The following KIF3C variants were observed in gnomAD, a reference collection of about 807,000 sequenced individuals.
KIF3C encodes kinesin-like protein KIF3C.
A neutral mutation model predicts 67.7 loss-of-function variants in KIF3C; 12 were observed. That is an observed-to-expected ratio of 0.18 (90% confidence interval 0.11 to 0.29). KIF3C has a LOEUF of 0.29. KIF3C is among the 10% of genes least tolerant of loss of function. The pLI is 1.00. For synonymous variants in KIF3C, 393 were observed against 426.2 expected (o/e 0.92, Z 0.96); for missense variants, 789 against 1,059.6 (o/e 0.74, Z 3.55).
chr2:25,934,222 T>A, intron 5 of KIF3C: 1 of 465,396 alleles, frequency 2.1e-6, no homozygotes, highest in Non-Finnish European at 4.4e-6. Context: ...GGGAAAGGGG[T>A]TTTGAGGAGA....
At chr2:25,936,001 C>T (rs1017218966) in intron 5 of KIF3C, among the ~76,000 whole-genome samples, 2 of 151,554 alleles carry the variant, frequency 1.3e-5, no homozygotes, top group East Asian at 1.9e-4. Flanking sequence ...ACTGGAGAAT[C>T]GCTTGAACCC....
intron 5 of KIF3C, among the ~76,000 whole-genome samples, chr2:25,940,220 C>T (rs1663246839): frequency 6.6e-6 from 1 of 152,146 alleles, no homozygotes; most frequent in Non-Finnish European, 1.5e-5. Context: ...CTGCAAGGTA[C>T]ATATTGTTAT....
At chr2:25,966,756 T>C (rs1245980495) in intron 1 of KIF3C, among the ~76,000 whole-genome samples, 1 of 152,214 alleles carries the variant, frequency 6.6e-6, no homozygotes, top group African/African-American at 2.4e-5. Flanking sequence ...GGCTCTGCCC[T>C]GCCACTGCCA....
At position 25,955,379 on chromosome 2, in the gene KIF3C, G is replaced by T. The variant is rs1056445145; in HGVS notation, c.1770+162C>A. On this transcript the variant is annotated intron_variant, in intron 3 of 7. Transcript: ENST00000264712. The surrounding 1 kb of genome is among the most constrained non-coding windows in gnomAD (Gnocchi z 5.0). Reference sequence around the variant, plus strand: ...AGGCTCTACTCCACCCCCAGCCCCCGCCTCCTGCCTCCCCCTGTTGCTCAC... The same window carrying T: ...AGGCTCTACTCCACCCCCAGCCCCCTCCTCCTGCCTCCCCCTGTTGCTCAC... Among the ~76,000 whole-genome samples the T allele has an allele frequency of 2.0e-5, 3 of 150,248 alleles. No individual in the cohort carries two copies. Among genetic ancestry groups the T allele is most frequent in the African/African-American group, 7.3e-5 (3 of 40,846 alleles).
intron 5 of KIF3C, among the ~76,000 whole-genome samples, chr2:25,941,140 T>C (rs1290125381): frequency 6.6e-6 from 1 of 150,696 alleles, no homozygotes; most frequent in East Asian, 2.0e-4. Context: ...CTACTAAAAA[T>C]GAAAGCAAAT....
In KIF3C at chr2:25,954,260, G is replaced by C. The variant is rs778085989; in HGVS notation, c.1889+7C>G. ...GGACCCGGGATGAAAAGAGCTGCGG[G>C]CCCTACTTGAGCTTGAGTTCGCGGG... On this transcript the variant is annotated splice_region_variant and intron_variant, in intron 4 of 7. Transcript: ENST00000264712. 1.0e-5 allele frequency: 16 copies of C among 1,603,960 alleles called. No homozygotes were observed. The highest frequency in any genetic ancestry group is 2.2e-5 in the South Asian group (2 of 90,880).
intron 1 of KIF3C, among the ~76,000 whole-genome samples, chr2:25,961,947 C>CAAAAAAAAAAA (rs201677055): frequency 1.1e-5 from 1 of 92,474 alleles, no homozygotes; most frequent in Non-Finnish European, 2.6e-5. Context: ...GACTCCATCT[C>CAAAAAAAAAAA]AAAAAAAAAA....
chr2:25,981,213 G>T lies in KIF3C; in HGVS notation c.705C>A (p.Asp235Glu). The T allele has an allele frequency of 6.2e-7, 1 of 1,614,120 alleles. No homozygotes were observed. Among genetic ancestry groups the T allele is most frequent in the Non-Finnish European group, 8.5e-7 (1 of 1,180,036 alleles). ...ECSERGSDGQDHIRVGKLNLV... is the reference protein window; with the variant it reads ...ECSERGSDGQEHIRVGKLNLV... ...GGTTGAGCTTGCCCACTCGGATGTG[G>T]TCCTGGCCATCAGAGCCACGTTCGC... The change falls in exon 1 of 8, where the codon GAC becomes GAA. Residue 235 changes from aspartate (D) to glutamate (E), a missense_variant. Around this residue, in one of 2 missense-constraint regions of KIF3C, gnomAD observed 648 missense variants for 807.8 expected, o/e 0.80. Coordinates refer to ENST00000264712, the MANE Select transcript of KIF3C (RefSeq NM_002254.8). This position sits in a 1 kb window ranked among gnomAD's most constrained non-coding sequence, Gnocchi z 8.2.
rs375814554 is a variant in KIF3C at position 25,958,584 on chromosome 2, A to C, written c.1546-2140T>G. 1.3e-4 allele frequency among the ~76,000 whole-genome samples: 20 copies of C among 151,918 alleles called. No homozygotes were observed. In the South Asian group the frequency reaches 4.1e-3, roughly 32 times the overall value. The stretch of plus-strand genomic sequence containing the variant: ...TGCCAGAGTGAGACTTCATCACAAA[A>C]AACAAAAAACAAAAAACAGCACAAC... On this transcript the variant is annotated intron_variant, in intron 1 of 7. Transcript: ENST00000264712. The surrounding 1 kb of genome is among the most constrained non-coding windows in gnomAD (Gnocchi z 4.5).
intron 5 of KIF3C, among the ~76,000 whole-genome samples, chr2:25,941,081 A>G (rs1453108254): frequency 6.6e-6 from 1 of 151,976 alleles, no homozygotes; most frequent in Non-Finnish European, 1.5e-5. Flanking sequence ...AGTTCACTTG[A>G]GCTCAGGAGT....
At chr2:25,963,062 A>G (rs1425347381) in intron 1 of KIF3C, among the ~76,000 whole-genome samples, 2 of 92,426 alleles carry the variant, frequency 2.2e-5, no homozygotes, top group Non-Finnish European at 4.0e-5. Context: ...ATATAAATAT[A>G]TATACACACA....
At chr2:25,956,469 G>T (rs750865462) in intron 1 of KIF3C, 25 bp from the exon 2 acceptor site, 3 of 1,585,822 alleles carry the variant, frequency 1.9e-6, no homozygotes, top group South Asian at 2.2e-5. Context: ...GGGTTGGGAG[G>T]TGGGCTTTGC....
Position 25,982,479 on chromosome 2 carries a change from G to A in KIF3C, c.-562C>T, listed in dbSNP as rs1664652898. 1 of 398,416 alleles carries A rather than the reference G, an allele frequency of 2.5e-6. No individual in the cohort carries two copies. Among genetic ancestry groups the A allele is most frequent in the Non-Finnish European group, 4.4e-6 (1 of 226,018 alleles). The allele number at this position is 398,416 out of a possible 1,614,324, so 24.7% of individuals were successfully genotyped here. On this transcript the variant is annotated 5_prime_UTR_variant, in exon 1 of 8. Transcript: ENST00000264712. ...TCCGCCTTCCCCGCCGCCGCCACTG[G>A]AGAATGAGAGAGAAAAACAGAAGGG...
At chr2:25,967,739 T>C (rs1664181448) in intron 1 of KIF3C, among the ~76,000 whole-genome samples, 1 of 152,194 alleles carries the variant, frequency 6.6e-6, no homozygotes, top group Admixed American at 6.5e-5. Context: ...GATGAAAGGA[T>C]TCCTTGAGCC....
Position 25,981,182 on chromosome 2 carries a change from C to G in KIF3C, c.736G>C (p.Asp246His). 6.2e-7 allele frequency: 1 copy of G among 1,614,114 alleles called. No individual in the cohort carries two copies. Among genetic ancestry groups the G allele is most frequent in the East Asian group, 2.2e-5 (1 of 44,880 alleles). ...TTCTGCCTCTCGCTGCCAGCCAGGT[C>G]CACGAGGTTGAGCTTGCCCACTCGG... ...HIRVGKLNLV[D>H]LAGSERQNKA... The change falls in exon 1 of 8, where the codon GAC (aspartate) becomes CAC (histidine). Residue 246 changes from aspartate to histidine, a missense_variant. Asp to His is a moderately conservative substitution (Grantham distance 81). Transcript: ENST00000264712. The surrounding 1 kb of genome is among the most constrained non-coding windows in gnomAD (Gnocchi z 8.2).
chr2:25,951,534 C>G (rs1440598060), intron 5 of KIF3C: 4 of 428,196 alleles, frequency 9.3e-6, no homozygotes, highest in African/African-American at 2.0e-5. Flanking sequence ...CTCTTCCTCC[C>G]TCCCGAGATC....
At chr2:25,929,516 A>G (rs2090440293) in intron 6 of KIF3C, 39 bp from the exon 7 acceptor site, 3 of 1,578,984 alleles carry the variant, frequency 1.9e-6, no homozygotes, top group Non-Finnish European at 2.6e-6. Flanking sequence ...AACAGTGCCC[A>G]GTCACTGTGC....
chr2:25,982,217 C>G lies in KIF3C; in HGVS notation c.-300G>C, dbSNP rs1559560883. 4.7e-6 allele frequency: 2 copies of G among 426,792 alleles called. No individual in the cohort carries two copies. Among genetic ancestry groups the G allele is most frequent in the Non-Finnish European group, 8.2e-6 (2 of 243,052 alleles). 26.4% of individuals were successfully genotyped at this position (426,792 alleles called of 1,614,324 possible). A position where few individuals can be genotyped will look rare whatever the true frequency, so the allele number is the denominator to read the frequency against. On this transcript the variant is annotated 5_prime_UTR_variant, in exon 1 of 8. Transcript: ENST00000264712. Reference sequence around the variant, plus strand: ...GCCCGGAGCCCGCCCCATGCAGGAGCAGAGGGAGCGCTGCCGTAAACAGCT... The same window carrying G: ...GCCCGGAGCCCGCCCCATGCAGGAGGAGAGGGAGCGCTGCCGTAAACAGCT...
intron 5 of KIF3C, among the ~76,000 whole-genome samples, chr2:25,939,804 G>T (rs1356295157): frequency 6.6e-6 from 1 of 151,926 alleles, no homozygotes; most frequent in Non-Finnish European, 1.5e-5. Context: ...ACAAAAATTA[G>T]CTGGGCATGG....
Sources: allele counts gnomAD v4.1 joint callset (sites outside exome capture counted in the v4.1 genomes callset), GRCh38; gene constraint gnomAD v4.1.1; regional missense constraint gnomAD v4.1.1; non-coding constraint Gnocchi (gnomAD v3.1); transcripts MANE v1.5; gene names NCBI Gene and HGNC (gene_info 2026-07-23, HGNC 2026-07-21).